Variants in CES1 observed in about 807,000 individuals in gnomAD.
CES1 encodes the protein liver carboxylesterase 1.
In CES1, 50 loss-of-function variants were observed where a neutral mutation model predicts 53.0. That is an observed-to-expected ratio of 0.94 (90% CI 0.75 to 1.19). The LOEUF is 1.19. CES1 is among the 50% of genes most tolerant of loss of function. The pLI, the probability that CES1 is intolerant of heterozygous loss-of-function variation, is 0.00. For synonymous variants in CES1, 202 were observed against 210.1 expected (o/e 0.96, Z 0.33); for missense variants, 534 against 538.0 (o/e 0.99, Z 0.07).
intron 11 of CES1, among the ~76,000 whole-genome samples, chr16:55,809,428 G>A (rs115527208): frequency 0.012 from 1,786 of 152,326 alleles, 32 homozygotes; most frequent in African/African-American, 0.041. Context: ...AGCATGGTTA[G>A]AGAGAGGACA....
chr16:55,824,142 A>G (rs1284236545), intron 3 of CES1, among the ~76,000 whole-genome samples: 1 of 151,786 alleles, frequency 6.6e-6, no homozygotes, highest in East Asian at 1.9e-4. Context: ...TTGTCTCGAG[A>G]AGCACACGTG....
intron 3 of CES1, among the ~76,000 whole-genome samples, chr16:55,825,647 C>T (rs2032387487): frequency 6.6e-6 from 1 of 152,246 alleles, no homozygotes; most frequent in Admixed American, 6.5e-5. Flanking sequence ...AGAAAGGCCA[C>T]ATACAAGCTC....
intron 2 of CES1, among the ~76,000 whole-genome samples, chr16:55,827,070 A>C (rs2032447058): frequency 6.6e-6 from 1 of 152,106 alleles, no homozygotes; most frequent in Admixed American, 6.6e-5. Context: ...TGTGGTGCTT[A>C]TACACAAGTA....
chr16:55,810,732 G>C lies in CES1; in HGVS notation c.1171-68C>G, dbSNP rs1353156634. The C allele has an allele frequency of 1.5e-5, 23 of 1,584,878 alleles. No homozygotes were observed. The African/African-American group carries it at 2.7e-4, about 19-fold the overall frequency. The stretch of plus-strand genomic sequence containing the variant: ...TGCAGCTTCTCCAGCCCACCAGAAA[G>C]TCCTGCCTCAATGGTGAACCCCATA... On this transcript the variant is annotated intron_variant, in intron 10 of 13. Transcript: ENST00000360526.
intron 3 of CES1, among the ~76,000 whole-genome samples, chr16:55,825,271 T>A (rs1431591598): frequency 6.6e-6 from 1 of 152,214 alleles, no homozygotes; most frequent in Non-Finnish European, 1.5e-5. Flanking sequence ...CAACTTCTAG[T>A]TCCACGTTCG....
rs201065375 is a variant in CES1, at chr16:55,823,575, G to A, written c.514C>T (p.Arg172Cys). 114 of 1,613,778 alleles carry A rather than the reference G, an allele frequency of 7.1e-5. No homozygotes were observed. The highest frequency in any genetic ancestry group is 5.0e-4 in the Middle Eastern group (3 of 6,054). ...ENVVVVTIQY[R>C]LGIWGFFSTG... ...CTGAAGAATCCCCAGATGCCCAGGCGATATTGAATGGTCACCACCACCACG... is the reference window on the plus strand; with the variant it reads ...CTGAAGAATCCCCAGATGCCCAGGCAATATTGAATGGTCACCACCACCACG... Residue 172 changes from arginine (R) to cysteine (C), a missense_variant, in exon 4 of 14, where the codon CGC (arginine) becomes TGC (cysteine). By Grantham distance (180) the Arg-to-Cys change is radical. This residue lies in a region of CES1 where 85 missense variants were observed against 81.9 expected (regional missense o/e 1.04). Coordinates refer to ENST00000360526, the MANE Select transcript of CES1 (RefSeq NM_001025195.2).
chr16:55,816,776 G>A (rs1473126901), intron 8 of CES1, 148 bp downstream of exon 8: 23 of 985,858 alleles, frequency 2.3e-5, no homozygotes. Flanking sequence ...GTGTTACCCA[G>A]GTGAGTCACT....
chr16:55,817,476 C>T lies in CES1; in HGVS notation c.907-514G>A, dbSNP rs199767193. Among the ~76,000 whole-genome samples the T allele has an allele frequency of 1.3e-4, 20 of 152,336 alleles. No homozygotes were observed. The East Asian group carries it at 1.3e-3, about 10-fold the overall frequency. ...AGTTTCCTCATCTCCCATTAGAAAG[C>T]CCTGACTCACGCAAGCTCACTGAGT... On this transcript the variant is annotated intron_variant, in intron 7 of 13. Transcript: ENST00000360526.
intron 2 of CES1, among the ~76,000 whole-genome samples, chr16:55,827,277 C>CAATAATAAAAAT (rs1555513630): frequency 7.0e-6 from 1 of 143,796 alleles, no homozygotes; most frequent in Non-Finnish European, 1.5e-5. Context: ...AGAGGAATAA[C>CAATAATAAAAAT]AATAATAATA....
intron 8 of CES1, 46 bp downstream of exon 8, chr16:55,816,878 G>C: frequency 5.7e-6 from 9 of 1,582,366 alleles, no homozygotes; most frequent in Non-Finnish European, 7.0e-6. Flanking sequence ...GGAGCTTAAA[G>C]GTGCTAAGAC....
At position 55,810,512 on chromosome 16, in the gene CES1, C is replaced by A. The variant is rs1328172434; in HGVS notation, c.1318+5G>T. The A allele has an allele frequency of 6.2e-7, 1 of 1,614,140 alleles. No individual in the cohort carries two copies. The highest frequency in any genetic ancestry group is 8.5e-7 in the Non-Finnish European group (1 of 1,180,026). Reference sequence around the variant, plus strand: ...TGTCCCTCCCGTTCGACCTCTGGGACTCACCTCTGTGGTTCCGGGCCACAA... The same window carrying A: ...TGTCCCTCCCGTTCGACCTCTGGGAATCACCTCTGTGGTTCCGGGCCACAA... On this transcript the variant is annotated splice_donor_5th_base_variant and intron_variant, in intron 11 of 13. Transcript: ENST00000360526.
chr16:55,816,852 T>G, intron 8 of CES1, 72 bp downstream of exon 8: 1 of 1,499,932 alleles, frequency 6.7e-7, no homozygotes, highest in East Asian at 2.2e-5. Context: ...GATGATTCTT[T>G]CACTCACAGT....
chr16:55,812,815 A>G (rs1185161462), intron 9 of CES1, 88 bp downstream of exon 9: 23 of 1,567,404 alleles, frequency 1.5e-5, no homozygotes, highest in Admixed American at 3.3e-5. Flanking sequence ...CTCAGAGTGC[A>G]GCTCGGAGAG....
At chr16:55,828,508 G>A (rs183233722) in intron 2 of CES1, among the ~76,000 whole-genome samples, 3 of 152,180 alleles carry the variant, frequency 2.0e-5, no homozygotes, top group East Asian at 3.9e-4. Context: ...TAGAATGCAC[G>A]CTCCAGGAAC....
Position 55,821,304 on chromosome 16 carries a change from G to C in CES1, c.693+64C>G, listed in dbSNP as rs1357176620. The C allele has an allele frequency of 1.1e-5, 18 of 1,596,350 alleles. No individual in the cohort carries two copies. In the African/African-American group the frequency reaches 2.4e-4, roughly 21 times the overall value. ...GGTATCCATAGCTGGATTGACAGGT[G>C]TCCAAGAGGTCTCATCAGCATCACA... On this transcript the variant is annotated intron_variant, in intron 5 of 13. Transcript: ENST00000360526.
Position 55,811,026 on chromosome 16 carries a change from A to G in CES1, c.1087-16T>C, listed in dbSNP as rs1212730433. ...TCATCAACTGCTAAAAAAAAAAAAAAGTTCAGCATTTATGAATCATTGGGA... is the reference window on the plus strand; with the variant it reads ...TCATCAACTGCTAAAAAAAAAAAAAGGTTCAGCATTTATGAATCATTGGGA... On this transcript the variant is annotated splice_polypyrimidine_tract_variant and intron_variant, in intron 9 of 13. Coordinates refer to ENST00000360526, the MANE Select transcript of CES1 (RefSeq NM_001025195.2). The G allele has an allele frequency of 6.4e-7, 1 of 1,556,948 alleles. No individual in the cohort carries two copies. Among genetic ancestry groups the G allele is most frequent in the Non-Finnish European group, 8.9e-7 (1 of 1,128,056 alleles).
chr16:55,813,548 C>T (rs1383504086), intron 8 of CES1, among the ~76,000 whole-genome samples: 2 of 152,140 alleles, frequency 1.3e-5, no homozygotes, highest in Admixed American at 1.3e-4. Context: ...CGGCTCCATC[C>T]CACACAATAG....
chr16:55,808,379 G>A (rs1156587642), intron 11 of CES1, among the ~76,000 whole-genome samples: 14 of 152,332 alleles, frequency 9.2e-5, no homozygotes, highest in Admixed American at 7.2e-4. Context: ...GACATAATAA[G>A]AGAAGCAGAG....
At chr16:55,818,687 G>A (rs1439503206) in intron 7 of CES1, among the ~76,000 whole-genome samples, 1 of 151,862 alleles carries the variant, frequency 6.6e-6, no homozygotes, top group Non-Finnish European at 1.5e-5. Context: ...CAGGGACTAT[G>A]TCCACTTCAT....
Sources: gnomAD v4.1 joint callset for allele counts (sites outside exome capture counted in the v4.1 genomes callset) on GRCh38, gnomAD v4.1.1 for gene constraint, gnomAD v4.1.1 regional missense constraint, MANE v1.5 for transcripts, NCBI Gene and HGNC (gene_info 2026-07-23, HGNC 2026-07-21) for gene names.